DPP10: variants seen among roughly 807,000 people sequenced by gnomAD.
DPP10 encodes the protein dipeptidyl peptidase like 10, also known as inactive dipeptidyl peptidase 10.
In DPP10, 33 loss-of-function variants were observed where a neutral mutation model predicts 120.9. The ratio of observed to expected loss-of-function variants is 0.27; its 90% CI spans 0.21 to 0.37. DPP10 has a LOEUF of 0.37. DPP10 is among the 10% of genes least tolerant of loss of function. The probability of loss-of-function intolerance (pLI) is 1.00; values close to 1 mark genes in which losing one functional copy is unlikely to be tolerated. For missense variants in DPP10, 816 were observed against 942.8 expected (o/e 0.87, Z 1.76); for synonymous variants, 337 against 326.1 (o/e 1.03, Z -0.36).
intron 1 of DPP10, among the ~76,000 whole-genome samples, chr2:114,887,069 A>G (rs1236639122): frequency 2.2e-4 from 34 of 152,014 alleles, no homozygotes. Context: ...TTCCACCTTC[A>G]TTATTTCTAC....
intron 3 of DPP10, among the ~76,000 whole-genome samples, chr2:115,388,079 A>G (rs1421201000): frequency 6.6e-6 from 1 of 152,214 alleles, no homozygotes; most frequent in African/African-American, 2.4e-5. Context: ...TAAAGTTTCT[A>G]TGAAAGCCAA....
intron 1 of DPP10, among the ~76,000 whole-genome samples, chr2:115,208,756 T>A (rs552820651): frequency 7.2e-5 from 11 of 152,258 alleles, no homozygotes; most frequent in African/African-American, 2.6e-4. Context: ...TGGCAGGACG[T>A]CCTGCCCTTC....
At position 114,886,355 on chromosome 2, in the gene DPP10, A is replaced by G. The variant is rs117508879; in HGVS notation, c.61-422884A>G. 2.5e-4 allele frequency among the ~76,000 whole-genome samples: 38 copies of G among 152,330 alleles called. No individual in the cohort carries two copies. In the East Asian group the frequency reaches 6.4e-3, roughly 25 times the overall value. ...CACAACACTGGCAGCAGCAACCCCT[A>G]TTACTAAGCTCTGTTAGATACTTTA... On this transcript the variant is annotated intron_variant, in intron 1 of 25. Coordinates refer to ENST00000410059, the MANE Select transcript of DPP10 (RefSeq NM_020868.6).
intron 1 of DPP10, among the ~76,000 whole-genome samples, chr2:114,930,561 C>G (rs900281606): frequency 6.6e-6 from 1 of 152,194 alleles, no homozygotes; most frequent in African/African-American, 2.4e-5. Flanking sequence ...TCTGAGGTGC[C>G]ATCAGCATAA....
chr2:115,576,027 G>T (rs2081632297), intron 5 of DPP10, among the ~76,000 whole-genome samples: 1 of 152,140 alleles, frequency 6.6e-6, no homozygotes, highest in East Asian at 1.9e-4. Context: ...GCCCCTAGAA[G>T]GCCTCCTCAC....
chr2:115,734,926 C>T (rs577853128), intron 8 of DPP10, among the ~76,000 whole-genome samples: 3 of 152,164 alleles, frequency 2.0e-5, no homozygotes, highest in East Asian at 3.9e-4. Context: ...ATGCCACAAC[C>T]GTGGCTTGTA....
At chr2:115,034,488 A>G (rs1237414940) in intron 1 of DPP10, among the ~76,000 whole-genome samples, 4 of 152,146 alleles carry the variant, frequency 2.6e-5, no homozygotes, top group Non-Finnish European at 5.9e-5. Context: ...GGGCTTCTCA[A>G]ATATTTCCAA....
intron 3 of DPP10, among the ~76,000 whole-genome samples, chr2:115,478,120 C>G (rs1275794497): frequency 6.6e-6 from 1 of 152,104 alleles, no homozygotes; most frequent in African/African-American, 2.4e-5. Flanking sequence ...TCAGCTTCCA[C>G]CAGGCCCCAC....
Position 114,918,985 on chromosome 2 carries a change from T to C in DPP10, c.61-390254T>C, listed in dbSNP as rs563280814. ...GGAAGAAAGAAAAAAAACACTGTCA[T>C]TGGAGATGACAAAAAGTTGAAAAAA... On this transcript the variant is annotated intron_variant, in intron 1 of 25. Coordinates refer to ENST00000410059, the MANE Select transcript of DPP10 (RefSeq NM_020868.6). 6.7e-5 allele frequency among the ~76,000 whole-genome samples: 10 copies of C among 149,500 alleles called. No homozygotes were observed. The South Asian group carries it at 1.7e-3, about 25-fold the overall frequency.
chr2:115,332,102 G>A (rs1397040153), intron 2 of DPP10, among the ~76,000 whole-genome samples: 2 of 152,108 alleles, frequency 1.3e-5, no homozygotes, highest in African/African-American at 2.4e-5. Flanking sequence ...CAATTTCAGA[G>A]CCTCTTATTG....
chr2:115,305,576 A>T (rs1251811302), intron 1 of DPP10, among the ~76,000 whole-genome samples: 1 of 151,842 alleles, frequency 6.6e-6, no homozygotes, highest in Non-Finnish European at 1.5e-5. Context: ...TACAAAAAAT[A>T]ATTTTAAAAA....
intron 7 of DPP10, among the ~76,000 whole-genome samples, chr2:115,693,904 T>G (rs1280100632): frequency 6.6e-6 from 1 of 152,166 alleles, no homozygotes; most frequent in African/African-American, 2.4e-5. Context: ...TAAAGCACTT[T>G]GAATAGTATC....
intron 5 of DPP10, among the ~76,000 whole-genome samples, chr2:115,533,727 C>T (rs983088263): frequency 1.4e-4 from 22 of 151,970 alleles, no homozygotes; most frequent in African/African-American, 5.3e-4. Flanking sequence ...AAAGAAAGCA[C>T]AGTCTGGGAA....
At chr2:114,561,534 T>A (rs1263123104) in intron 1 of DPP10, among the ~76,000 whole-genome samples, 3 of 152,150 alleles carry the variant, frequency 2.0e-5, no homozygotes, top group Non-Finnish European at 4.4e-5. Context: ...GTCATTCCTT[T>A]AGCAACTATT....
At chr2:114,892,597 C>G (rs951990342) in intron 1 of DPP10, among the ~76,000 whole-genome samples, 1 of 152,144 alleles carries the variant, frequency 6.6e-6, no homozygotes, top group Non-Finnish European at 1.5e-5. Flanking sequence ...AAGGACAGAC[C>G]GCTGAGCCCC....
At chr2:114,989,121 A>C (rs962558023) in intron 1 of DPP10, among the ~76,000 whole-genome samples, 1 of 152,176 alleles carries the variant, frequency 6.6e-6, no homozygotes, top group African/African-American at 2.4e-5. Context: ...AACTGGAAGG[A>C]CTGAGGGGTG....
At chr2:115,047,500 A>G (rs528021300) in intron 1 of DPP10, among the ~76,000 whole-genome samples, 53 of 152,140 alleles carry the variant, frequency 3.5e-4, no homozygotes, top group African/African-American at 1.1e-3. Context: ...ATTATTTCCA[A>G]TTATATTTTA....
At chr2:114,554,388 C>G (rs977251383) in intron 1 of DPP10, among the ~76,000 whole-genome samples, 3 of 152,206 alleles carry the variant, frequency 2.0e-5, no homozygotes, top group Non-Finnish European at 2.9e-5. Context: ...GGCTGTGTCA[C>G]CTTGGGCAGG....
In DPP10 at chr2:115,567,723, G is replaced by A. The variant is rs142994277; in HGVS notation, c.441+41751G>A. ...GGAAAATGTCGAGACATTCATTTCC[G>A]AGTCAAAGGTAAATGCATACATAGT... On this transcript the variant is annotated intron_variant, in intron 5 of 25. Coordinates refer to ENST00000410059, the MANE Select transcript of DPP10 (RefSeq NM_020868.6). 5.3e-5 allele frequency among the ~76,000 whole-genome samples: 8 copies of A among 152,210 alleles called. 1 individual carries two copies. In the East Asian group the frequency reaches 1.4e-3, roughly 26 times the overall value.
Sources: allele counts gnomAD v4.1 joint callset (sites outside exome capture counted in the v4.1 genomes callset), GRCh38; gene constraint gnomAD v4.1.1; transcripts MANE v1.5; gene names NCBI Gene and HGNC (gene_info 2026-07-23, HGNC 2026-07-21).